Variants in PPL observed in about 807,000 individuals in gnomAD.
PPL encodes 190 kDa paraneoplastic pemphigus antigen.
A neutral mutation model predicts 194.4 loss-of-function variants in PPL; 198 were observed. The observed-to-expected ratio is 1.02, with a 90% CI of 0.91 to 1.15. The LOEUF (loss-of-function observed/expected upper bound fraction) is 1.15, where lower values mean the gene tolerates loss of function less well. Among genes scored for constraint, PPL ranks in the 50% most tolerant of loss-of-function variants. The probability of loss-of-function intolerance (pLI) is 0.00; values close to 1 mark genes in which losing one functional copy is unlikely to be tolerated. For synonymous variants in PPL, 1,220 were observed against 972.4 expected (o/e 1.25, Z -4.74); for missense variants, 2,885 against 2,294.8 (o/e 1.26, Z -5.25).
At position 4,882,675 on chromosome 16, in the gene PPL, A is replaced by C. The variant is rs1347851394; in HGVS notation, c.*709T>G. ...AAATACCAGTGAGATAATAAGCGAG[A>C]CTTGTAAAGCACTGAAACTAAGGCT... On this transcript the variant is annotated 3_prime_UTR_variant, in exon 22 of 22. Coordinates refer to ENST00000345988, the MANE Select transcript of PPL (RefSeq NM_002705.5). 6.6e-6 allele frequency: 1 copy of C among 152,290 alleles called. No homozygotes were observed. Among genetic ancestry groups the C allele is most frequent in the Non-Finnish European group, 1.5e-5 (1 of 68,080 alleles). The allele number at this position is 152,290 out of a possible 1,614,324, so 9.4% of individuals were successfully genotyped here. A position where few individuals can be genotyped will look rare whatever the true frequency, so the allele number is the denominator to read the frequency against.
rs770649877 is a variant in PPL, at chr16:4,885,072, G to A, written c.3583C>T (p.Leu1195Phe). Residue 1195 changes from leucine (L) to phenylalanine (F), a missense_variant, in exon 22 of 22, where the codon CTT (leucine) becomes TTT (phenylalanine). Leu to Phe is a conservative substitution (Grantham distance 22, BLOSUM62 0). Coordinates refer to ENST00000345988, the MANE Select transcript of PPL (RefSeq NM_002705.5). This position sits in a 1 kb window ranked among gnomAD's most constrained non-coding sequence, Gnocchi z 6.3. ...ESEVANLRLELVEQERKYRGA... is the reference protein window; with the variant it reads ...ESEVANLRLEFVEQERKYRGA... ...CGGTACTTTCGCTCCTGCTCCACAA[G>A]CTCCAGGCGGAGGTTCGCCACTTCA... 1 of 1,613,702 alleles carries A rather than the reference G, an allele frequency of 6.2e-7. No homozygotes were observed. The highest frequency in any genetic ancestry group is 1.1e-5 in the South Asian group (1 of 91,078).
chr16:4,918,933 G>A (rs952944187), intron 1 of PPL, among the ~76,000 whole-genome samples: 3 of 152,076 alleles, frequency 2.0e-5, no homozygotes, highest in South Asian at 2.1e-4. Context: ...GTAATGAGCC[G>A]CATCGGGGCA....
rs574041072 is a variant in PPL at position 4,902,804 on chromosome 16, C to T, written c.318-278G>A. ...TCCCAGGTTCAAGCAATTCTCCTGC[C>T]TCAACCTCCCGAGTAGCTGGGATTA... On this transcript the variant is annotated intron_variant, in intron 3 of 21. Coordinates refer to ENST00000345988, the MANE Select transcript of PPL (RefSeq NM_002705.5). This position sits in a 1 kb window ranked among gnomAD's most constrained non-coding sequence, Gnocchi z 4.0. 1.3e-5 allele frequency among the ~76,000 whole-genome samples: 2 copies of T among 152,256 alleles called. No homozygotes were observed. Among genetic ancestry groups the T allele is most frequent in the Non-Finnish European group, 2.9e-5 (2 of 68,014 alleles).
intron 6 of PPL, among the ~76,000 whole-genome samples, chr16:4,900,130 C>G (rs1490977670): frequency 6.6e-6 from 1 of 152,186 alleles, no homozygotes; most frequent in South Asian, 2.1e-4. Context: ...AATGCTGCCT[C>G]TGTATTCTCT....
At chr16:4,891,036 G>T in intron 16 of PPL, 115 bp from the exon 17 acceptor site, 1 of 887,326 alleles carries the variant, frequency 1.1e-6, no homozygotes, top group Non-Finnish European at 1.7e-6. Flanking sequence ...AAGGCCACAG[G>T]TAGGAAGGAC....
intron 4 of PPL, among the ~76,000 whole-genome samples, chr16:4,901,828 T>A (rs2088577683): frequency 6.6e-6 from 1 of 151,724 alleles, no homozygotes; most frequent in Admixed American, 6.6e-5. Flanking sequence ...TAATTCCAGC[T>A]ACTTGGGAGG....
At position 4,895,306 on chromosome 16, in the gene PPL, G is replaced by C. The variant is rs2088403617; in HGVS notation, c.1197C>G (p.Leu399=). The C allele has an allele frequency of 1.2e-6, 2 of 1,613,020 alleles. No individual in the cohort carries two copies. Among genetic ancestry groups the C allele is most frequent in the East Asian group, 2.2e-5 (1 of 44,892 alleles). ...AGAGTGCCTCCACGGGGATGGGCTT[G>C]AGCGGAGTCTCCCGGCGGTACTTGA... is the stretch of plus-strand genomic sequence containing the variant. ...VPLKYRRETP[L]KPIPVEALCD... The change falls in exon 11 of 22, where the codon CTC becomes CTG. Residue 399 remains leucine, a synonymous_variant. Coordinates refer to ENST00000345988, the MANE Select transcript of PPL (RefSeq NM_002705.5).
rs987506438 is a variant in PPL at position 4,884,822 on chromosome 16, G to A, written c.3833C>T (p.Ala1278Val). ...GACCTGGGGTTTGGTGTCTTTCAGGGCCTGGATTTCCTTTTTCAGCTGGTA... is the reference window on the plus strand; with the variant it reads ...GACCTGGGGTTTGGTGTCTTTCAGGACCTGGATTTCCTTTTTCAGCTGGTA... ...EIYQLKKEIQALKDTKPQVQT... is the reference protein window; with the variant it reads ...EIYQLKKEIQVLKDTKPQVQT... Residue 1278 changes from alanine to valine, a missense_variant, in exon 22 of 22, where the codon GCC (alanine) becomes GTC (valine). Physicochemically the swap from Ala to Val is moderately conservative, Grantham distance 64. Transcript: ENST00000345988. This position sits in a 1 kb window ranked among gnomAD's most constrained non-coding sequence, Gnocchi z 5.7. 6.2e-7 allele frequency: 1 copy of A among 1,614,076 alleles called. No homozygotes were observed. Among genetic ancestry groups the A allele is most frequent in the African/African-American group, 1.3e-5 (1 of 75,002 alleles).
chr16:4,884,826 G>C lies in PPL; in HGVS notation c.3829C>G (p.Gln1277Glu). 1 of 1,614,112 alleles carries C rather than the reference G, an allele frequency of 6.2e-7. No individual in the cohort carries two copies. Among genetic ancestry groups the C allele is most frequent in the Non-Finnish European group, 8.5e-7 (1 of 1,180,018 alleles). Reference sequence around the variant, plus strand: ...TGGGGTTTGGTGTCTTTCAGGGCCTGGATTTCCTTTTTCAGCTGGTAGATC... The same window carrying C: ...TGGGGTTTGGTGTCTTTCAGGGCCTCGATTTCCTTTTTCAGCTGGTAGATC... ...LEIYQLKKEI[Q>E]ALKDTKPQVQ... Residue 1277 changes from glutamine (Q) to glutamate (E), a missense_variant, in exon 22 of 22, where the codon CAG (glutamine) becomes GAG (glutamate). Transcript: ENST00000345988. This position sits in a 1 kb window ranked among gnomAD's most constrained non-coding sequence, Gnocchi z 5.7.
chr16:4,935,946 G>C (rs2089292213), intron 1 of PPL, among the ~76,000 whole-genome samples: 1 of 152,166 alleles, frequency 6.6e-6, no homozygotes, highest in African/African-American at 2.4e-5. Context: ...CCTCTTGTCC[G>C]AGAAGCTGGC....
Position 4,897,692 on chromosome 16 carries a change from T to G in PPL, c.955A>C (p.Met319Leu), listed in dbSNP as rs1432167083. 2 of 1,613,384 alleles carry G rather than the reference T, an allele frequency of 1.2e-6. No homozygotes were observed. Among genetic ancestry groups the G allele is most frequent in the Non-Finnish European group, 1.7e-6 (2 of 1,179,716 alleles). ...GTAAGTACCTGGTGGTAGTCCTCCA[T>G]GTACTTGAGGTGGCTCTCCTCGCAG... is the stretch of plus-strand genomic sequence containing the variant. ...LICEESHLKY[M>L]EDYHQFHEDV... The change falls in exon 9 of 22, where the codon ATG becomes CTG. Residue 319 changes from methionine to leucine, a missense_variant. Transcript: ENST00000345988.
intron 3 of PPL, among the ~76,000 whole-genome samples, chr16:4,903,211 G>A (rs897082536): frequency 2.0e-5 from 3 of 152,110 alleles, no homozygotes; most frequent in African/African-American, 7.2e-5. Flanking sequence ...TAGGGCATGG[G>A]ACAAGGCAGG....
intron 12 of PPL, 25 bp downstream of exon 12, chr16:4,894,442 C>T: frequency 6.2e-7 from 1 of 1,612,184 alleles, no homozygotes; most frequent in Non-Finnish European, 8.5e-7. Context: ...CTGGTCCATG[C>T]AGACTCCCGC....
In PPL at chr16:4,891,885, C is replaced by T. The variant is rs139811413; in HGVS notation, c.1894G>A (p.Glu632Lys). Residue 632 changes from glutamate (E) to lysine (K), a missense_variant, in exon 16 of 22, where the codon GAG becomes AAG. Physicochemically the swap from Glu to Lys is moderately conservative, Grantham distance 56. Coordinates refer to ENST00000345988, the MANE Select transcript of PPL (RefSeq NM_002705.5). Reference protein sequence around the residue: ...QQSWELLATHENHLNQDDTVP... With the variant: ...QQSWELLATHKNHLNQDDTVP... ...GTGTCATCCTGATTCAGATGGTTCT[C>T]GTGTGTGGCCAGCAACTCCCAGCTC... is the stretch of plus-strand genomic sequence containing the variant. 163 of 1,613,434 alleles carry T rather than the reference C, an allele frequency of 1.0e-4. 2 individuals are homozygous for T. The highest frequency in any genetic ancestry group is 2.0e-4 in the South Asian group (18 of 91,090).
chr16:4,929,360 C>G (rs981191903), intron 1 of PPL, among the ~76,000 whole-genome samples: 1 of 152,064 alleles, frequency 6.6e-6, no homozygotes, highest in Non-Finnish European at 1.5e-5. Context: ...TTGCTATGGA[C>G]TGGACTCTGA....
chr16:4,886,874 C>T (rs945501767), intron 21 of PPL, among the ~76,000 whole-genome samples: 1 of 152,238 alleles, frequency 6.6e-6, no homozygotes, highest in Admixed American at 6.5e-5. Context: ...CTGCCTCGGC[C>T]TCCCAAAGTG....
chr16:4,924,921 G>A (rs908985469), intron 1 of PPL, among the ~76,000 whole-genome samples: 4 of 152,170 alleles, frequency 2.6e-5, no homozygotes, highest in Admixed American at 1.3e-4. Flanking sequence ...TGTCCCTGTC[G>A]CCCAGAACTG....
At position 4,889,241 on chromosome 16, in the gene PPL, G is replaced by GGTTTTTTTTTTT. The variant is rs1442783436; in HGVS notation, c.2314-181_2314-180insAAAAAAAAAAAC. Reference sequence around the variant, plus strand: ...AAAAGGCAGTTTTTTTGTTGTTGTTGTTTTTTTTTTTTTTTTTTTTTTTTT... The same window carrying GGTTTTTTTTTTT: ...AAAAGGCAGTTTTTTTGTTGTTGTTGGTTTTTTTTTTTTTTTTTTTTTTTTTTTTTTTTTTTT... On this transcript the variant is annotated intron_variant, in intron 18 of 21. Coordinates refer to ENST00000345988, the MANE Select transcript of PPL (RefSeq NM_002705.5). Among the ~76,000 whole-genome samples the GGTTTTTTTTTTT allele has an allele frequency of 2.3e-3, 155 of 66,638 alleles. 24 individuals carry two copies. Among genetic ancestry groups the GGTTTTTTTTTTT allele is most frequent in the Admixed American group, 3.3e-3 (15 of 4,526 alleles). 43.7% of individuals were successfully genotyped at this position (66,638 alleles called of 152,430 possible).
At chr16:4,895,084 C>T (rs1354543686) in intron 11 of PPL, among the ~76,000 whole-genome samples, 177 bp downstream of exon 11, 1 of 152,132 alleles carries the variant, frequency 6.6e-6, no homozygotes, top group African/African-American at 2.4e-5. Flanking sequence ...CCAGGGCAGC[C>T]GAGGTGGGGG....
Sources: gnomAD v4.1 joint callset for allele counts (sites outside exome capture counted in the v4.1 genomes callset) on GRCh38, gnomAD v4.1.1 for gene constraint, Gnocchi (gnomAD v3.1) non-coding constraint, MANE v1.5 for transcripts, NCBI Gene and HGNC (gene_info 2026-07-23, HGNC 2026-07-21) for gene names.